Variants in GRIN2A observed in about 807,000 individuals in gnomAD.
GRIN2A encodes the protein glutamate ionotropic receptor NMDA type subunit 2A, also known as glutamate receptor ionotropic, NMDA 2A.
In GRIN2A, 22 loss-of-function variants were observed where a neutral mutation model predicts 113.4. That is an observed-to-expected ratio of 0.19 (90% CI 0.14 to 0.28). The LOEUF is 0.28. Among genes scored for constraint, GRIN2A ranks in the 10% least tolerant of loss-of-function variants. The probability of loss-of-function intolerance (pLI) is 1.00; values close to 1 mark genes in which losing one functional copy is unlikely to be tolerated. For synonymous variants in GRIN2A, 827 were observed against 738.4 expected (o/e 1.12, Z -1.94); for missense variants, 1,502 against 1,887.0 (o/e 0.80, Z 3.78).
At chr16:9,953,436 G>A (rs1596358071) in intron 2 of GRIN2A, among the ~76,000 whole-genome samples, 1 of 152,282 alleles carries the variant, frequency 6.6e-6, no homozygotes, top group East Asian at 1.9e-4. Context: ...AGTATAGGTA[G>A]GGGGACAGAG....
intron 2 of GRIN2A, among the ~76,000 whole-genome samples, chr16:10,136,601 T>C (rs539438455): frequency 6.6e-6 from 1 of 152,256 alleles, no homozygotes; most frequent in Non-Finnish European, 1.5e-5. Context: ...TATTTTGCTC[T>C]GCATATTCTA....
At chr16:10,129,803 G>A (rs1191298583) in intron 2 of GRIN2A, among the ~76,000 whole-genome samples, 5 of 152,210 alleles carry the variant, frequency 3.3e-5, no homozygotes, top group African/African-American at 1.2e-4. Context: ...TTTTGTCATC[G>A]TTCTTACTCA....
intron 2 of GRIN2A, among the ~76,000 whole-genome samples, chr16:10,065,479 A>T (rs1043945163): frequency 2.0e-5 from 3 of 152,212 alleles, no homozygotes; most frequent in African/African-American, 7.2e-5. Flanking sequence ...TTCAGAATTC[A>T]TCCTTTCATA....
intron 2 of GRIN2A, among the ~76,000 whole-genome samples, chr16:10,098,313 G>C (rs1011740282): frequency 1.3e-5 from 2 of 152,116 alleles, no homozygotes; most frequent in Non-Finnish European, 2.9e-5. Context: ...ATAGACATTG[G>C]CATGGATGTG....
At chr16:9,911,296 G>A (rs1221111689) in intron 3 of GRIN2A, among the ~76,000 whole-genome samples, 2 of 152,076 alleles carry the variant, frequency 1.3e-5, no homozygotes, top group Non-Finnish European at 2.9e-5. Flanking sequence ...AGACCAGCTT[G>A]GGTAACATAG....
Position 9,865,063 on chromosome 16 carries a change from A to G in GRIN2A, c.1123-15102T>C, listed in dbSNP as rs181712970. 3.9e-5 allele frequency among the ~76,000 whole-genome samples: 6 copies of G among 152,294 alleles called. No homozygotes were observed. In the East Asian group the frequency reaches 9.6e-4, roughly 24 times the overall value. ...TTTTTCTTTGCTCATCTCTGGCCCA[A>G]AACTACTTTGCTCCAGGCTTGTCTG... On this transcript the variant is annotated intron_variant, in intron 4 of 12. Coordinates refer to ENST00000330684, the MANE Select transcript of GRIN2A (RefSeq NM_001134407.3).
At chr16:9,985,504 A>C (rs1362975101) in intron 2 of GRIN2A, among the ~76,000 whole-genome samples, 2 of 152,230 alleles carry the variant, frequency 1.3e-5, no homozygotes, top group African/African-American at 4.8e-5. Context: ...AGTACTGTAC[A>C]GCCATGAAAA....
intron 2 of GRIN2A, among the ~76,000 whole-genome samples, chr16:10,085,999 A>G (rs2048079273): frequency 6.6e-6 from 1 of 152,146 alleles, no homozygotes; most frequent in Non-Finnish European, 1.5e-5. Context: ...CTGGGGCCAT[A>G]TTGGGGGATG....
chr16:10,167,742 G>T (rs1445452838), intron 2 of GRIN2A, among the ~76,000 whole-genome samples: 1 of 152,108 alleles, frequency 6.6e-6, no homozygotes, highest in African/African-American at 2.4e-5. Flanking sequence ...TTAAAAAATG[G>T]AGACAATATA....
intron 3 of GRIN2A, among the ~76,000 whole-genome samples, chr16:9,895,664 G>A (rs16966631): frequency 0.28 from 43,301 of 152,076 alleles, 7,066 homozygotes; most frequent in African/African-American, 0.44. Context: ...TGGAATTTCA[G>A]TACAAAAACT....
intron 10 of GRIN2A, among the ~76,000 whole-genome samples, chr16:9,808,914 C>A (rs1007859988): frequency 2.6e-5 from 4 of 151,916 alleles, no homozygotes; most frequent in East Asian, 3.9e-4. Context: ...ATCCCACCCC[C>A]CCAAAAAAAG....
intron 2 of GRIN2A, among the ~76,000 whole-genome samples, chr16:9,967,288 G>A (rs750180437): frequency 2.0e-5 from 3 of 152,202 alleles, no homozygotes; most frequent in Non-Finnish European, 4.4e-5. Flanking sequence ...ATGATGTCTT[G>A]CAGCAACTTA....
intron 3 of GRIN2A, among the ~76,000 whole-genome samples, chr16:9,905,735 G>T (rs2044014562): frequency 6.6e-6 from 1 of 152,042 alleles, no homozygotes; most frequent in Non-Finnish European, 1.5e-5. Context: ...TGTTTCCCTG[G>T]CCATAAAAAT....
intron 2 of GRIN2A, among the ~76,000 whole-genome samples, chr16:10,036,211 G>A (rs906481380): frequency 1.3e-5 from 2 of 152,054 alleles, no homozygotes; most frequent in Non-Finnish European, 1.5e-5. Context: ...TAGTTCTCTA[G>A]AACTGCTGTG....
chr16:9,916,744 C>T (rs1011378038), intron 3 of GRIN2A, among the ~76,000 whole-genome samples: 2 of 152,188 alleles, frequency 1.3e-5, no homozygotes, highest in African/African-American at 4.8e-5. Context: ...CCGCCACCCA[C>T]ATCCCATATA....
intron 2 of GRIN2A, chr16:10,112,570 G>T: frequency 1.3e-6 from 1 of 772,782 alleles, no homozygotes; most frequent in Non-Finnish European, 2.4e-6. Context: ...AGGCCCAGCG[G>T]CGAGTACTTC....
intron 12 of GRIN2A, among the ~76,000 whole-genome samples, chr16:9,766,177 A>T (rs1190012673): frequency 9.2e-5 from 14 of 152,152 alleles, no homozygotes; most frequent in Non-Finnish European, 4.4e-5. Flanking sequence ...GAGCCAAACT[A>T]TGAAGGGGTT....
chr16:10,099,992 G>C (rs2048362461), intron 2 of GRIN2A, among the ~76,000 whole-genome samples: 1 of 152,152 alleles, frequency 6.6e-6, no homozygotes, highest in African/African-American at 2.4e-5. Flanking sequence ...ACAAATTGTA[G>C]CGAGTGCTAT....
intron 2 of GRIN2A, among the ~76,000 whole-genome samples, chr16:10,093,114 C>T (rs2048215572): frequency 1.3e-5 from 2 of 152,208 alleles, no homozygotes; most frequent in Admixed American, 1.3e-4. Context: ...GCTCTGATTA[C>T]AGGCATGAGC....
Sources: gnomAD v4.1 joint callset for allele counts (sites outside exome capture counted in the v4.1 genomes callset) on GRCh38, gnomAD v4.1.1 for gene constraint, MANE v1.5 for transcripts, NCBI Gene and HGNC (gene_info 2026-07-23, HGNC 2026-07-21) for gene names.